RIT2: variants seen among roughly 807,000 people sequenced by gnomAD.
RIT2 encodes the protein GTP-binding protein Rit2.
Under a neutral mutation model 23.7 loss-of-function variants are expected in RIT2, and 24 were observed. That is an observed-to-expected ratio of 1.01 (90% CI 0.73 to 1.43). The LOEUF (loss-of-function observed/expected upper bound fraction) is 1.43, where lower values mean the gene tolerates loss of function less well. RIT2 is among the 40% of genes most tolerant of loss of function. The probability of loss-of-function intolerance (pLI) is 0.00; values close to 1 mark genes in which losing one functional copy is unlikely to be tolerated. For missense variants in RIT2, 236 were observed against 266.9 expected, an observed-to-expected ratio of 0.88 and a Z score of 0.81; for synonymous variants, 107 against 91.1, an observed-to-expected ratio of 1.17 and a Z score of -0.99.
intron 3 of RIT2, among the ~76,000 whole-genome samples, chr18:42,943,636 T>A (rs1909657104): frequency 6.6e-6 from 1 of 152,098 alleles, no homozygotes. Flanking sequence ...GTGGTTTGGG[T>A]CTTTAGTTAG....
At chr18:42,950,763 A>C (rs1005803383) in intron 3 of RIT2, among the ~76,000 whole-genome samples, 1 of 151,976 alleles carries the variant, frequency 6.6e-6, no homozygotes, top group African/African-American at 2.4e-5. Context: ...TTAAAAAAAA[A>C]TGGTATAGAA....
chr18:42,752,943 A>G (rs1215299730), intron 4 of RIT2, among the ~76,000 whole-genome samples: 1 of 152,216 alleles, frequency 6.6e-6, no homozygotes, highest in Admixed American at 6.5e-5. Flanking sequence ...CATACAAGTA[A>G]TAGAAAATTT....
At chr18:42,910,591 C>A (rs570957871) in intron 4 of RIT2, among the ~76,000 whole-genome samples, 2 of 152,124 alleles carry the variant, frequency 1.3e-5, no homozygotes, top group East Asian at 3.9e-4. Flanking sequence ...AGAAGAGTGG[C>A]AAAGCGGCAG....
At chr18:43,109,579 C>T (rs1479586777) in intron 1 of RIT2, among the ~76,000 whole-genome samples, 1 of 152,106 alleles carries the variant, frequency 6.6e-6, no homozygotes, top group East Asian at 1.9e-4. Context: ...ATTTAAATAC[C>T]ATCTATGCTG....
chr18:43,113,844 G>C (rs1247766935), intron 1 of RIT2, among the ~76,000 whole-genome samples: 1 of 152,138 alleles, frequency 6.6e-6, no homozygotes, highest in East Asian at 1.9e-4. Context: ...GACCTCACAA[G>C]CTGCTGGTGG....
intron 3 of RIT2, among the ~76,000 whole-genome samples, chr18:42,964,228 A>C (rs1343067056): frequency 3.3e-5 from 5 of 151,428 alleles, no homozygotes; most frequent in Non-Finnish European, 7.4e-5. Flanking sequence ...ATAAAAAAAT[A>C]AAATCAATCA....
chr18:42,857,134 T>G (rs934585743), intron 4 of RIT2, among the ~76,000 whole-genome samples: 10 of 97,732 alleles, frequency 1.0e-4, no homozygotes, highest in African/African-American at 7.5e-4. Context: ...CGTTTTTAAT[T>G]ATCCAACTAG....
intron 4 of RIT2, among the ~76,000 whole-genome samples, chr18:42,828,834 T>C (rs1202785857): frequency 1.3e-5 from 2 of 152,220 alleles, no homozygotes; most frequent in Non-Finnish European, 2.9e-5. Context: ...ACTAAATTCA[T>C]GTTCTGGAAG....
At chr18:42,969,264 A>G (rs890618885) in intron 3 of RIT2, among the ~76,000 whole-genome samples, 1 of 152,164 alleles carries the variant, frequency 6.6e-6, no homozygotes, top group Non-Finnish European at 1.5e-5. Context: ...ATCCAAAACC[A>G]TTTATAGAAT....
intron 3 of RIT2, among the ~76,000 whole-genome samples, chr18:42,928,538 G>C (rs949470480): frequency 6.6e-6 from 1 of 152,006 alleles, no homozygotes; most frequent in Non-Finnish European, 1.5e-5. Context: ...CAATAGTTGA[G>C]TTTTTGGAGG....
chr18:42,911,636 A>G (rs1908772418), intron 4 of RIT2, among the ~76,000 whole-genome samples: 1 of 152,056 alleles, frequency 6.6e-6, no homozygotes, highest in African/African-American at 2.4e-5. Context: ...AATTTTAAAA[A>G]TGATTACAAG....
intron 1 of RIT2, among the ~76,000 whole-genome samples, chr18:43,075,355 G>A (rs943814139): frequency 2.6e-5 from 4 of 152,090 alleles, no homozygotes; most frequent in Admixed American, 6.5e-5. Flanking sequence ...AAAGTGGCAT[G>A]AACAGAGGTT....
intron 3 of RIT2, among the ~76,000 whole-genome samples, chr18:42,932,471 C>A (rs763973708): frequency 3.3e-5 from 5 of 152,050 alleles, no homozygotes; most frequent in Non-Finnish European, 7.4e-5. Flanking sequence ...ATTTTAAGAC[C>A]CTATATAATC....
chr18:43,050,095 T>C (rs1353093499), intron 1 of RIT2, among the ~76,000 whole-genome samples: 1 of 150,072 alleles, frequency 6.7e-6, no homozygotes, highest in African/African-American at 2.5e-5. Context: ...GGCACAATTA[T>C]GGCTCACTGC....
At chr18:42,943,124 C>T (rs1376068743) in intron 3 of RIT2, among the ~76,000 whole-genome samples, 5 of 152,088 alleles carry the variant, frequency 3.3e-5, no homozygotes, top group Admixed American at 3.3e-4. Context: ...GTTGCCACTG[C>T]TGGCTGGTGT....
chr18:42,794,603 T>C (rs1337107891), intron 4 of RIT2, among the ~76,000 whole-genome samples: 1 of 152,222 alleles, frequency 6.6e-6, no homozygotes, highest in African/African-American at 2.4e-5. Context: ...AGACACAGTT[T>C]ATATCTCTGA....
chr18:42,960,433 G>A (rs1910070080), intron 3 of RIT2, among the ~76,000 whole-genome samples: 1 of 152,134 alleles, frequency 6.6e-6, no homozygotes, highest in African/African-American at 2.4e-5. Context: ...TCCTGCCTCT[G>A]CCTCCTGAGT....
intron 4 of RIT2, among the ~76,000 whole-genome samples, chr18:42,888,568 C>T (rs1476894882): frequency 6.6e-6 from 1 of 151,254 alleles, no homozygotes; most frequent in Non-Finnish European, 1.5e-5. Context: ...GGTATATACC[C>T]AAAAGAAAAT....
intron 4 of RIT2, among the ~76,000 whole-genome samples, chr18:42,744,336 C>T (rs116180526): frequency 0.017 from 2,528 of 152,138 alleles, 68 homozygotes; most frequent in African/African-American, 0.058. Context: ...AAATATATAG[C>T]AATGTGAGAA....
Sources: gnomAD v4.1 joint callset for allele counts (sites outside exome capture counted in the v4.1 genomes callset) on GRCh38, gnomAD v4.1.1 for gene constraint, MANE v1.5 for transcripts, NCBI Gene and HGNC (gene_info 2026-07-23, HGNC 2026-07-21) for gene names.